Variants in MYPN observed in about 807,000 individuals in gnomAD.
MYPN encodes the protein sarcomeric protein myopalladin, 145 kDa (MYOP).
A neutral mutation model predicts 129.4 loss-of-function variants in MYPN; 63 were observed. That is an observed-to-expected ratio of 0.49 (90% CI 0.40 to 0.60). The LOEUF is 0.60. Among genes scored for constraint, MYPN ranks in the 20% least tolerant of loss-of-function variants. The pLI, the probability that MYPN is intolerant of heterozygous loss-of-function variation, is 0.00. For synonymous variants in MYPN, 629 were observed against 600.9 expected, an observed-to-expected ratio of 1.05 and a Z score of -0.68; for missense variants, 1,596 against 1,635.4, an observed-to-expected ratio of 0.98 and a Z score of 0.42.
rs777033322 is a variant in MYPN at position 68,206,848 on chromosome 10, G to T, written c.3738G>T (p.Leu1246Phe). The T allele has an allele frequency of 2.5e-6, 4 of 1,614,104 alleles. No homozygotes were observed. In the African/African-American group the frequency reaches 5.3e-5, roughly 22 times the overall value. ...AATCAGACGCTGGATGGTACACGTT[G>T]TCAGCCAAGAATGAAGCCGGCATCG... ...AKKSDAGWYT[L>F]SAKNEAGIVS... Residue 1246 changes from leucine to phenylalanine, a missense_variant, in exon 19 of 20, where the codon TTG (leucine) becomes TTT (phenylalanine). Coordinates refer to ENST00000358913, the MANE Select transcript of MYPN (RefSeq NM_032578.4).
At chr10:68,096,895 A>G (rs913775696) in intron 1 of MYPN, among the ~76,000 whole-genome samples, 1 of 152,222 alleles carries the variant, frequency 6.6e-6, no homozygotes, top group African/African-American at 2.4e-5. Flanking sequence ...TAGATCAGAT[A>G]ATACAAGAGA....
At position 68,174,282 on chromosome 10, in the gene MYPN, G is replaced by A. The variant is rs71584492; in HGVS notation, c.2190G>A (p.Thr730=). ...LARPKYFFPS[T]NTTAATVAPS... ...GGCCGAAGTATTTCTTCCCCTCCAC[G>A]AACACCACCGCAGCAACTGTGGCCC... Residue 730 remains threonine (T), a synonymous_variant, in exon 11 of 20, where the codon ACG becomes ACA. Transcript: ENST00000358913. 108 of 1,613,976 alleles carry A rather than the reference G, an allele frequency of 6.7e-5. No individual in the cohort carries two copies. The African/African-American group carries it at 1.2e-3, about 18-fold the overall frequency.
chr10:68,125,231 T>TTAAGTG (rs2042307289), intron 2 of MYPN, among the ~76,000 whole-genome samples: 1 of 152,138 alleles, frequency 6.6e-6, no homozygotes, highest in Non-Finnish European at 1.5e-5. Flanking sequence ...TTGCAAATCT[T>TTAAGTG]CAAATTTAAA....
chr10:68,174,790 T>C, intron 11 of MYPN, 134 bp downstream of exon 11: 1 of 809,968 alleles, frequency 1.2e-6, no homozygotes, highest in Non-Finnish European at 2.1e-6. Context: ...ACAGAATGGA[T>C]GTGGAACACT....
chr10:68,167,582 A>T (rs528474286), intron 10 of MYPN, among the ~76,000 whole-genome samples: 8 of 117,172 alleles, frequency 6.8e-5, no homozygotes, highest in African/African-American at 2.3e-4. Flanking sequence ...CATCAAAATG[A>T]TAAAAAAATT....
intron 2 of MYPN, among the ~76,000 whole-genome samples, chr10:68,123,757 G>T (rs1233042075): frequency 6.6e-6 from 1 of 151,892 alleles, no homozygotes; most frequent in African/African-American, 2.4e-5. Context: ...TTAGTTGCAC[G>T]AGCCACATTT....
upstream of MYPN, among the ~76,000 whole-genome samples, chr10:68,108,326 G>C (rs2042037263): frequency 6.6e-6 from 1 of 152,162 alleles, no homozygotes; most frequent in South Asian, 2.1e-4. Flanking sequence ...TTTTATATCT[G>C]TTCAATGTAC....
intron 1 of MYPN, among the ~76,000 whole-genome samples, chr10:68,111,055 A>G (rs778173800): frequency 2.0e-5 from 3 of 152,218 alleles, no homozygotes; most frequent in Non-Finnish European, 4.4e-5. Flanking sequence ...ATATATCTAC[A>G]ATTTATAATA....
rs754809755 is a variant in MYPN, at chr10:68,143,039, G to A, written c.1002G>A (p.Glu334=). The change falls in exon 3 of 20, where the codon GAG becomes GAA. Residue 334 remains glutamate, a synonymous_variant. Transcript: ENST00000358913. ...HSLTIAEAFE[E]DTGRYSCFAS... is the part of the protein sequence containing the mutation. Reference sequence around the variant, plus strand: ...TGACCATTGCGGAAGCCTTTGAAGAGGACACAGGACGCTATTCCTGCTTTG... The same window carrying A: ...TGACCATTGCGGAAGCCTTTGAAGAAGACACAGGACGCTATTCCTGCTTTG... 1.9e-6 allele frequency: 3 copies of A among 1,614,120 alleles called. No homozygotes were observed. The highest frequency in any genetic ancestry group is 2.5e-6 in the Non-Finnish European group (3 of 1,180,010).
chr10:68,171,451 C>G (rs1242084504), intron 10 of MYPN, among the ~76,000 whole-genome samples: 2 of 152,158 alleles, frequency 1.3e-5, no homozygotes, highest in African/African-American at 4.8e-5. Flanking sequence ...CCAGGCCCCA[C>G]CCTACACCTG....
chr10:68,150,168 G>A, intron 6 of MYPN, 57 bp downstream of exon 6: 10 of 1,369,462 alleles, frequency 7.3e-6, no homozygotes, highest in Non-Finnish European at 1.0e-5. Context: ...AGCACCCAAA[G>A]TTATAGGATA....
intron 1 of MYPN, among the ~76,000 whole-genome samples, chr10:68,091,195 C>A (rs1299723632): frequency 6.6e-6 from 1 of 152,000 alleles, no homozygotes; most frequent in Non-Finnish European, 1.5e-5. Flanking sequence ...ATTATGGCAT[C>A]TTGTGAGCAT....
chr10:68,153,338 C>G (rs2042810568), intron 6 of MYPN, among the ~76,000 whole-genome samples: 1 of 152,172 alleles, frequency 6.6e-6, no homozygotes, highest in East Asian at 1.9e-4. Flanking sequence ...ACAGATTGAG[C>G]TGCCTTTGTG....
At chr10:68,124,137 T>C (rs868214386) in intron 2 of MYPN, among the ~76,000 whole-genome samples, 8 of 152,152 alleles carry the variant, frequency 5.3e-5, no homozygotes, top group African/African-American at 1.2e-4. Flanking sequence ...GCATTCTAAG[T>C]TTATTTTACT....
intron 1 of MYPN, among the ~76,000 whole-genome samples, chr10:68,110,130 A>AT (rs1002102061): frequency 2.0e-5 from 3 of 152,192 alleles, no homozygotes; most frequent in Non-Finnish European, 2.9e-5. Context: ...TTCATTTTAA[A>AT]TTTTTTTATC....
chr10:68,161,923 G>A (rs927722136), intron 8 of MYPN, 171 bp downstream of exon 8: 13 of 523,342 alleles, frequency 2.5e-5, no homozygotes, highest in Non-Finnish European at 4.0e-5. Context: ...AGCACTTTGC[G>A]AGGCCGAGGC....
At chr10:68,153,213 G>A (rs751690366) in intron 6 of MYPN, among the ~76,000 whole-genome samples, 10 of 151,602 alleles carry the variant, frequency 6.6e-5, no homozygotes, top group East Asian at 1.9e-4. Context: ...CTGGAACTCC[G>A]ATCTCAGGTA....
intron 12 of MYPN, among the ~76,000 whole-genome samples, chr10:68,180,079 A>G (rs1056752982): frequency 6.6e-6 from 1 of 152,216 alleles, no homozygotes; most frequent in Non-Finnish European, 1.5e-5. Flanking sequence ...TTAGCACATA[A>G]TAGGTACTTA....
At chr10:68,145,170 A>C (rs985200875) in intron 3 of MYPN, among the ~76,000 whole-genome samples, 1 of 151,934 alleles carries the variant, frequency 6.6e-6, no homozygotes, top group African/African-American at 2.4e-5. Context: ...GATTACAGGC[A>C]TGCACCACTA....
Sources: allele counts gnomAD v4.1 joint callset (sites outside exome capture counted in the v4.1 genomes callset), GRCh38; gene constraint gnomAD v4.1.1; transcripts MANE v1.5; gene names NCBI Gene and HGNC (gene_info 2026-07-23, HGNC 2026-07-21).